The following PRLR variants were observed in gnomAD, a reference collection of about 807,000 sequenced individuals.
The protein encoded by PRLR is prolactin receptor, also known as hPRL receptor.
In PRLR, 13 loss-of-function variants were observed where a neutral mutation model predicts 40.2. The observed-to-expected ratio is 0.32, with a 90% CI of 0.21 to 0.51. The LOEUF (loss-of-function observed/expected upper bound fraction) is 0.51. Among genes scored for constraint, PRLR ranks in the 20% least tolerant of loss-of-function variants. The pLI, the probability that PRLR is intolerant of heterozygous loss-of-function variation, is 0.97. For missense variants in PRLR, 656 were observed against 747.3 expected, an observed-to-expected ratio of 0.88 and a Z score of 1.42; for synonymous variants, 269 against 278.7, an observed-to-expected ratio of 0.97 and a Z score of 0.35.
chr5:35,144,704 C>T (rs1329054518), intron 1 of PRLR, among the ~76,000 whole-genome samples: 1 of 151,268 alleles, frequency 6.6e-6, no homozygotes, highest in Non-Finnish European at 1.5e-5. Context: ...CTCAAGTGAT[C>T]TGCCCACCTT....
At chr5:35,104,387 G>A (rs1005061238) in intron 2 of PRLR, among the ~76,000 whole-genome samples, 3 of 151,560 alleles carry the variant, frequency 2.0e-5, no homozygotes, top group Non-Finnish European at 4.4e-5. Flanking sequence ...GACAGTGGGT[G>A]CAGCCCACGG....
At chr5:35,086,560 G>GGTGTGTGT (rs113256007) in intron 3 of PRLR, among the ~76,000 whole-genome samples, 72 of 148,184 alleles carry the variant, frequency 4.9e-4, no homozygotes, top group Middle Eastern at 3.5e-3. Context: ...GCATTTTGCT[G>GGTGTGTGT]GTGTGTGTGT....
intron 1 of PRLR, among the ~76,000 whole-genome samples, chr5:35,160,948 C>T (rs536732789): frequency 1.3e-5 from 2 of 152,292 alleles, no homozygotes; most frequent in South Asian, 2.1e-4. Flanking sequence ...TCTCACATGG[C>T]GTGGCCGGCC....
intron 6 of PRLR, among the ~76,000 whole-genome samples, chr5:35,071,999 G>C (rs1769776734): frequency 6.6e-6 from 1 of 151,934 alleles, no homozygotes; most frequent in African/African-American, 2.4e-5. Flanking sequence ...GGGTTCAAGA[G>C]ATTCTCCTGC....
intron 1 of PRLR, among the ~76,000 whole-genome samples, chr5:35,189,313 G>T (rs1775535915): frequency 1.3e-5 from 2 of 152,182 alleles, no homozygotes; most frequent in Admixed American, 6.5e-5. Context: ...AGGCATGGTG[G>T]CTTACACCTG....
intron 1 of PRLR, chr5:35,135,166 T>C (rs1290671035): frequency 3.9e-5 from 6 of 151,996 alleles, no homozygotes; most frequent in Admixed American, 3.3e-4. Context: ...TTCTTTATCA[T>C]TCAGTCCGAA....
At chr5:35,123,453 C>T (rs1773357491) in intron 1 of PRLR, among the ~76,000 whole-genome samples, 1 of 152,134 alleles carries the variant, frequency 6.6e-6, no homozygotes, top group Non-Finnish European at 1.5e-5. Context: ...AAAATGAGTC[C>T]TAGTTATTCA....
At chr5:35,171,049 GTT>G (rs199742431) in intron 1 of PRLR, among the ~76,000 whole-genome samples, 5,524 of 136,356 alleles carry the variant, frequency 0.041, 124 homozygotes, top group Middle Eastern at 0.11. Flanking sequence ...GTTTTTCCCT[GTT>G]TTTTTTTTTT....
chr5:35,080,043 T>C (rs6883056), intron 5 of PRLR, among the ~76,000 whole-genome samples: 15,707 of 152,190 alleles, frequency 0.1, 1,329 homozygotes, highest in African/African-American at 0.23. Flanking sequence ...TAATTCAAGA[T>C]GGATTTAAGA....
intron 1 of PRLR, among the ~76,000 whole-genome samples, chr5:35,219,237 C>CA (rs774809375): frequency 2.0e-5 from 3 of 152,164 alleles, no homozygotes; most frequent in Non-Finnish European, 4.4e-5. Context: ...GTGGCAGCTT[C>CA]AATTACATAG....
chr5:35,190,421 G>A (rs1405976422), intron 1 of PRLR, among the ~76,000 whole-genome samples: 2 of 151,986 alleles, frequency 1.3e-5, no homozygotes, highest in Non-Finnish European at 2.9e-5. Flanking sequence ...CCTGGCCAAC[G>A]TGGCAAAACC....
At chr5:35,089,145 T>C (rs1302548240) in intron 3 of PRLR, among the ~76,000 whole-genome samples, 2 of 152,224 alleles carry the variant, frequency 1.3e-5, no homozygotes, top group Non-Finnish European at 2.9e-5. Flanking sequence ...CATTATGGTT[T>C]TTTAAAGAGT....
chr5:35,049,145 G>C (rs1276558529), exon 9 of PRLR: 2 of 697,466 alleles, frequency 2.9e-6, no homozygotes, highest in African/African-American at 1.7e-5. Flanking sequence ...ATATGAGCTG[G>C]CTGGTCACGT....
intron 1 of PRLR, among the ~76,000 whole-genome samples, chr5:35,200,273 T>C (rs923885991): frequency 2.6e-5 from 4 of 152,222 alleles, no homozygotes; most frequent in African/African-American, 9.6e-5. Flanking sequence ...CTCCTGATAA[T>C]CATGACTTTG....
chr5:35,109,040 C>T (rs1313806370), intron 2 of PRLR, among the ~76,000 whole-genome samples: 3 of 152,148 alleles, frequency 2.0e-5, no homozygotes, highest in Non-Finnish European at 4.4e-5. Context: ...TGGAACAGAA[C>T]AGAGCCCTCA....
chr5:35,115,861 G>C (rs995219147), intron 2 of PRLR, among the ~76,000 whole-genome samples: 8 of 152,038 alleles, frequency 5.3e-5, no homozygotes, highest in Admixed American at 4.6e-4. Flanking sequence ...GCGGCACTTT[G>C]GGTCAAGTCT....
chr5:35,135,537 C>T (rs932319506), intron 1 of PRLR: 3 of 152,468 alleles, frequency 2.0e-5, no homozygotes, highest in African/African-American at 7.2e-5. Context: ...AGTCCTGACC[C>T]TTATTTCTGG....
intron 2 of PRLR, among the ~76,000 whole-genome samples, chr5:35,105,047 C>T (rs748047466): frequency 6.6e-6 from 1 of 152,194 alleles, no homozygotes; most frequent in Non-Finnish European, 1.5e-5. Flanking sequence ...CAGGCAGCAA[C>T]ATTTGCTGTT....
At chr5:35,188,056 T>A (rs1165540705) in intron 1 of PRLR, among the ~76,000 whole-genome samples, 1 of 152,196 alleles carries the variant, frequency 6.6e-6, no homozygotes, top group Non-Finnish European at 1.5e-5. Context: ...GTCAGCAACC[T>A]TTTTTGTCAG....
Sources: allele counts gnomAD v4.1 joint callset (sites outside exome capture counted in the v4.1 genomes callset), GRCh38; gene constraint gnomAD v4.1.1; transcripts MANE v1.5; gene names NCBI Gene and HGNC (gene_info 2026-07-23, HGNC 2026-07-21).